AFP: variants seen among roughly 807,000 people sequenced by gnomAD.
AFP encodes the protein alpha fetoprotein.
In AFP, 64 loss-of-function variants were observed where a neutral mutation model predicts 78.9. The observed-to-expected ratio is 0.81, with a 90% confidence interval of 0.66 to 1.00. AFP has a LOEUF of 1.00. AFP is among the 50% of genes least tolerant of loss of function. The pLI is 0.00. For synonymous variants in AFP, 254 were observed against 243.8 expected, an observed-to-expected ratio of 1.04 and a Z score of -0.39; for missense variants, 689 against 703.8, an observed-to-expected ratio of 0.98 and a Z score of 0.24.
At chr4:73,444,574 C>T (rs542986736) in intron 6 of AFP, among the ~76,000 whole-genome samples, 4 of 152,248 alleles carry the variant, frequency 2.6e-5, no homozygotes, top group East Asian at 3.9e-4. Context: ...TTTGCACATA[C>T]GCCTCCTTTC....
chr4:73,436,916 C>T (rs1719526180), intron 1 of AFP, among the ~76,000 whole-genome samples: 1 of 151,898 alleles, frequency 6.6e-6, no homozygotes, highest in Non-Finnish European at 1.5e-5. Context: ...AACCAAACAA[C>T]TGGAAGACAA....
chr4:73,447,697 A>G (rs1385904806), intron 8 of AFP, 21 bp downstream of exon 8: 1 of 1,558,084 alleles, frequency 6.4e-7, no homozygotes, highest in Admixed American at 1.7e-5. Context: ...CTGTAAATGC[A>G]TGTTCATGCA....
At position 73,452,398 on chromosome 4, in the gene AFP, C is replaced by T; in HGVS notation, c.1429-3C>T. On this transcript the variant is annotated splice_polypyrimidine_tract_variant and splice_region_variant and intron_variant, in intron 11 of 14. Transcript: ENST00000395792. Reference sequence around the variant, plus strand: ...TACTTTTTTTTCTCATTCTCCTAACCAGGCTGACATTATTATCGGACACTT... The same window carrying T: ...TACTTTTTTTTCTCATTCTCCTAACTAGGCTGACATTATTATCGGACACTT... The T allele has an allele frequency of 6.2e-7, 1 of 1,613,570 alleles. No individual in the cohort carries two copies. Among genetic ancestry groups the T allele is most frequent in the Non-Finnish European group, 8.5e-7 (1 of 1,179,522 alleles).
At chr4:73,453,495 G>T in intron 12 of AFP, 1 of 406,310 alleles carries the variant, frequency 2.5e-6, no homozygotes, top group East Asian at 5.2e-5. Context: ...GGGGGATGAG[G>T]GGAGATTGCC....
intron 6 of AFP, 77 bp from the exon 7 acceptor site, chr4:73,444,916 T>C: frequency 7.9e-7 from 1 of 1,272,452 alleles, no homozygotes; most frequent in Non-Finnish European, 1.1e-6. Context: ...ACTTCTACTG[T>C]AGTAATACTC....
intron 6 of AFP, 139 bp from the exon 7 acceptor site, chr4:73,444,854 T>C: frequency 2.6e-6 from 2 of 765,062 alleles, no homozygotes; most frequent in Non-Finnish European, 4.0e-6. Flanking sequence ...CCTTAAAACA[T>C]GTTTCCTTTT....
In AFP at chr4:73,452,461, G is replaced by A; in HGVS notation, c.1489G>A (p.Val497Ile). The stretch of plus-strand genomic sequence containing the variant: ...TGAAATGACTCCAGTAAACCCTGGT[G>A]TTGGCCAGTGCTGCACTTCTTCATA... ...RHEMTPVNPG[V>I]GQCCTSSYAN... Residue 497 changes from valine (V) to isoleucine (I), a missense_variant, in exon 12 of 15, where the codon GTT becomes ATT. By Grantham distance (29) the Val-to-Ile change is conservative. Coordinates refer to ENST00000395792, the MANE Select transcript of AFP (RefSeq NM_001134.3). 2 of 1,614,092 alleles carry A rather than the reference G, an allele frequency of 1.2e-6. No individual in the cohort carries two copies. The highest frequency in any genetic ancestry group is 1.3e-5 in the African/African-American group (1 of 75,030).
At chr4:73,447,403 T>C (rs1719861760) in intron 7 of AFP, 59 bp from the exon 8 acceptor site, 1 of 1,335,334 alleles carries the variant, frequency 7.5e-7, no homozygotes. Flanking sequence ...AAGCTGGCTT[T>C]GAGATCCTTT....
chr4:73,450,657 G>C lies in AFP; in HGVS notation c.1332G>C (p.Ser444=). 6.2e-7 allele frequency: 1 copy of C among 1,614,140 alleles called. No homozygotes were observed. The highest frequency in any genetic ancestry group is 8.5e-7 in the Non-Finnish European group (1 of 1,180,002). Residue 444 remains serine (S), a synonymous_variant, in exon 11 of 15, where the codon TCG becomes TCC. Coordinates refer to ENST00000395792, the MANE Select transcript of AFP (RefSeq NM_001134.3). Reference sequence around the variant, plus strand: ...CAAAGAAAGCCCCCCAGCTGACCTCGTCGGAGCTGATGGCCATCACCAGAA... The same window carrying C: ...CAAAGAAAGCCCCCCAGCTGACCTCCTCGGAGCTGATGGCCATCACCAGAA... ...AYTKKAPQLT[S]SELMAITRKM...
In AFP at chr4:73,444,996, T is replaced by A; in HGVS notation, c.717T>A (p.Thr239=). Residue 239 remains threonine (T), a synonymous_variant, in exon 7 of 15, where the codon ACT becomes ACA. Transcript: ENST00000395792. ...CTAATTTCTTTTTTTTCCCTAGAAC[T>A]GTTACTAAACTGAGTCAGAAGTTTA... ...NFGTRTFQAI[T]VTKLSQKFTK... is the part of the protein sequence containing the mutation. The A allele has an allele frequency of 6.2e-7, 1 of 1,609,118 alleles. No individual in the cohort carries two copies. The highest frequency in any genetic ancestry group is 8.5e-7 in the Non-Finnish European group (1 of 1,175,818).
chr4:73,442,191 G>T, intron 4 of AFP, 105 bp from the exon 5 acceptor site: 1 of 1,131,298 alleles, frequency 8.8e-7, no homozygotes, highest in Non-Finnish European at 1.3e-6. Context: ...GCATTTTGTT[G>T]TTGTTGTTTT....
chr4:73,439,939 A>G (rs199987352), intron 3 of AFP, among the ~76,000 whole-genome samples: 3 of 4,778 alleles, frequency 6.3e-4, no homozygotes, highest in South Asian at 0.05. Flanking sequence ...GTGTGTGTGT[A>G]TATGTATATA....
At chr4:73,452,848 A>C (rs1720044489) in intron 12 of AFP, among the ~76,000 whole-genome samples, 1 of 152,220 alleles carries the variant, frequency 6.6e-6, no homozygotes, top group Non-Finnish European at 1.5e-5. Flanking sequence ...GTTTGTAAAA[A>C]TAATCTCTGT....
chr4:73,453,533 A>G (rs1477963222), intron 12 of AFP: 3 of 509,280 alleles, frequency 5.9e-6, no homozygotes, highest in South Asian at 2.1e-5. Context: ...ATGGTCAAGT[A>G]TGAAATAGTG....
At chr4:73,455,476 C>T in intron 14 of AFP, 155 bp from the exon 15 acceptor site, 1 of 643,146 alleles carries the variant, frequency 1.6e-6, no homozygotes. Flanking sequence ...CTCAACTATG[C>T]AAAATCCTTT....
At chr4:73,439,098 C>G (rs1007599102) in intron 3 of AFP, among the ~76,000 whole-genome samples, 2 of 152,022 alleles carry the variant, frequency 1.3e-5, no homozygotes, top group African/African-American at 4.8e-5. Context: ...AACATAATAC[C>G]CAGTTCAATC....
rs1306784240 is a variant in AFP, at chr4:73,443,248, A to G, written c.616-99A>G. 1.2e-5 allele frequency: 11 copies of G among 887,010 alleles called. No individual in the cohort carries two copies. In the East Asian group the frequency reaches 2.9e-4, roughly 23 times the overall value. 54.9% of individuals were successfully genotyped at this position (887,010 alleles called of 1,614,324 possible). On this transcript the variant is annotated intron_variant, in intron 5 of 14. Transcript: ENST00000395792. Reference sequence around the variant, plus strand: ...TTTAGTAAAAAACATATTTTATGGAATTTCATTTTACCTATACTTGTTGTT... The same window carrying G: ...TTTAGTAAAAAACATATTTTATGGAGTTTCATTTTACCTATACTTGTTGTT...
At position 73,455,675 on chromosome 4, in the gene AFP, C is replaced by G. The variant is rs1720140383; in HGVS notation, c.*55C>G. ...AGTCTTTCATTCGGTGTGAACTTTTCTCTTTAATTTTAACTGATTTAACAC... is the reference window on the plus strand; with the variant it reads ...AGTCTTTCATTCGGTGTGAACTTTTGTCTTTAATTTTAACTGATTTAACAC... On this transcript the variant is annotated 3_prime_UTR_variant, in exon 15 of 15. Transcript: ENST00000395792. 2 of 696,174 alleles carry G rather than the reference C, an allele frequency of 2.9e-6. No homozygotes were observed. Among genetic ancestry groups the G allele is most frequent in the Admixed American group, 2.1e-5 (1 of 48,582 alleles). 43.1% of individuals were successfully genotyped at this position (696,174 alleles called of 1,614,324 possible).
At chr4:73,443,849 G>T (rs1266584321) in intron 6 of AFP, among the ~76,000 whole-genome samples, 4 of 151,918 alleles carry the variant, frequency 2.6e-5, no homozygotes, top group Non-Finnish European at 4.4e-5. Context: ...TATTAATTGT[G>T]TTTCTTAATC....
Sources: gnomAD v4.1 joint callset for allele counts (sites outside exome capture counted in the v4.1 genomes callset) on GRCh38, gnomAD v4.1.1 for gene constraint, MANE v1.5 for transcripts, NCBI Gene and HGNC (gene_info 2026-07-23, HGNC 2026-07-21) for gene names.